KIAA1217: variants seen among roughly 807,000 people sequenced by gnomAD.
The protein encoded by KIAA1217 is sickle tail protein homolog.
KIAA1217 carries 88 observed loss-of-function variants against 163.9 expected under a neutral mutation model. The observed-to-expected ratio is 0.54, with a 90% CI of 0.45 to 0.64. KIAA1217 has a LOEUF of 0.64. Among genes scored for constraint, KIAA1217 ranks in the 30% least tolerant of loss-of-function variants. KIAA1217 has a pLI of 0.00. For missense variants in KIAA1217, 2,372 were observed against 2,475.0 expected (o/e 0.96, Z 0.88); for synonymous variants, 903 against 923.1 (o/e 0.98, Z 0.39).
At chr10:24,463,349 G>T (rs1038137325) in intron 5 of KIAA1217, among the ~76,000 whole-genome samples, 5 of 152,196 alleles carry the variant, frequency 3.3e-5, no homozygotes, top group African/African-American at 1.2e-4. Context: ...AAGATTTATA[G>T]AAATAACGCT....
At chr10:23,907,123 T>A (rs963815364) in intron 1 of KIAA1217, among the ~76,000 whole-genome samples, 1 of 152,112 alleles carries the variant, frequency 6.6e-6, no homozygotes, top group Non-Finnish European at 1.5e-5. Context: ...TTAAAGCAAC[T>A]GGCCTAAAGA....
intron 3 of KIAA1217, among the ~76,000 whole-genome samples, chr10:24,394,838 C>T (rs755459756): frequency 6.6e-6 from 1 of 152,162 alleles, no homozygotes; most frequent in African/African-American, 2.4e-5. Context: ...CCCCTGCTGC[C>T]GGTCTCTGTC....
In KIAA1217 at chr10:24,173,786, A is replaced by G. The variant is rs1048274808; in HGVS notation, c.-170-45840A>G. Reference sequence around the variant, plus strand: ...ACAGTTATCAACTACCTTTTTAATAAGAGTGTTAGTATTAGTTTGAGTAAC... The same window carrying G: ...ACAGTTATCAACTACCTTTTTAATAGGAGTGTTAGTATTAGTTTGAGTAAC... On this transcript the variant is annotated intron_variant, in intron 2 of 18. Transcript: ENST00000376462. Among the ~76,000 whole-genome samples the G allele has an allele frequency of 2.6e-5, 4 of 152,218 alleles. No individual in the cohort carries two copies. In the South Asian group the frequency reaches 6.2e-4, roughly 24 times the overall value.
At chr10:23,942,346 A>G (rs1308496848) in intron 1 of KIAA1217, among the ~76,000 whole-genome samples, 1 of 152,196 alleles carries the variant, frequency 6.6e-6, no homozygotes, top group East Asian at 1.9e-4. Context: ...CCAGAAGAGA[A>G]ATGAAAACTT....
At chr10:24,027,078 T>C (rs1847984669) in intron 2 of KIAA1217, among the ~76,000 whole-genome samples, 1 of 152,126 alleles carries the variant, frequency 6.6e-6, no homozygotes, top group Admixed American at 6.6e-5. Flanking sequence ...ATCTTTCTGT[T>C]ACTTATTTTT....
chr10:23,761,131 T>G (rs1834244428), intron 1 of KIAA1217, among the ~76,000 whole-genome samples: 1 of 152,102 alleles, frequency 6.6e-6, no homozygotes, highest in African/African-American at 2.4e-5. Context: ...CTGGGCATTA[T>G]AGGGCACACC....
At chr10:24,427,219 C>T (rs1428801603) in intron 3 of KIAA1217, among the ~76,000 whole-genome samples, 1 of 151,948 alleles carries the variant, frequency 6.6e-6, no homozygotes, top group Non-Finnish European at 1.5e-5. Context: ...CCCCACACCC[C>T]CATCCAGCAT....
At chr10:23,855,805 G>A (rs2095532) in intron 1 of KIAA1217, among the ~76,000 whole-genome samples, 21,980 of 151,950 alleles carry the variant, frequency 0.14, 1,995 homozygotes, top group Middle Eastern at 0.21. Flanking sequence ...TGATCGCATC[G>A]GCTCCTGAGG....
At chr10:24,496,138 C>A (rs2066754384) in intron 8 of KIAA1217, among the ~76,000 whole-genome samples, 1 of 152,236 alleles carries the variant, frequency 6.6e-6, no homozygotes, top group South Asian at 2.1e-4. Context: ...TTTTGTGCAG[C>A]ACGGTAGAGT....
At chr10:23,761,257 A>C (rs1037892737) in intron 1 of KIAA1217, among the ~76,000 whole-genome samples, 3 of 152,236 alleles carry the variant, frequency 2.0e-5, no homozygotes, top group South Asian at 2.1e-4. Flanking sequence ...ACAAACAAAC[A>C]AAAAACAACC....
intron 2 of KIAA1217, among the ~76,000 whole-genome samples, chr10:24,303,749 T>C (rs1386521303): frequency 6.6e-6 from 1 of 152,140 alleles, no homozygotes; most frequent in Admixed American, 6.6e-5. Flanking sequence ...AATCCCTGAG[T>C]CCTTGAATTC....
At chr10:24,355,871 C>T (rs148399728) in intron 2 of KIAA1217, among the ~76,000 whole-genome samples, 2,407 of 150,396 alleles carry the variant, frequency 0.016, 71 homozygotes, top group African/African-American at 0.056. Context: ...GCTTCAGCCT[C>T]CCCACTAGCT....
At chr10:23,713,480 A>C (rs1686336352) in intron 1 of KIAA1217, among the ~76,000 whole-genome samples, 1 of 152,102 alleles carries the variant, frequency 6.6e-6, no homozygotes, top group South Asian at 2.1e-4. Context: ...AAATATTATC[A>C]TGGTCCTTTT....
At chr10:23,901,740 C>G (rs369296911) in intron 1 of KIAA1217, among the ~76,000 whole-genome samples, 9 of 151,760 alleles carry the variant, frequency 5.9e-5, no homozygotes, top group African/African-American at 2.2e-4. Flanking sequence ...AAACCTGCCT[C>G]TACTAAAAAT....
intron 2 of KIAA1217, among the ~76,000 whole-genome samples, chr10:24,039,273 T>A (rs984405611): frequency 2.0e-5 from 3 of 152,116 alleles, no homozygotes; most frequent in African/African-American, 7.2e-5. Context: ...CATACATATG[T>A]GTATATTCTG....
At chr10:24,503,341 C>A (rs1459404138) in intron 9 of KIAA1217, among the ~76,000 whole-genome samples, 1 of 152,220 alleles carries the variant, frequency 6.6e-6, no homozygotes, top group Non-Finnish European at 1.5e-5. Flanking sequence ...TCATTTAAAT[C>A]TCCTAGTGAA....
intron 2 of KIAA1217, among the ~76,000 whole-genome samples, chr10:24,010,311 C>T (rs1564608456): frequency 6.6e-6 from 1 of 152,022 alleles, no homozygotes; most frequent in Non-Finnish European, 1.5e-5. Flanking sequence ...ACAGAAATGC[C>T]ACAAGATCAA....
chr10:24,299,339 G>A (rs1467335186), intron 2 of KIAA1217, among the ~76,000 whole-genome samples: 1 of 152,156 alleles, frequency 6.6e-6, no homozygotes, highest in Admixed American at 6.6e-5. Context: ...TACAGAACCT[G>A]TACATCAAAT....
chr10:23,947,467 T>C (rs2131347482), intron 1 of KIAA1217, among the ~76,000 whole-genome samples: 1 of 152,348 alleles, frequency 6.6e-6, no homozygotes, highest in South Asian at 2.1e-4. Context: ...GCTTTCCTTT[T>C]AGCCGGTCCT....
Sources: gnomAD v4.1 joint callset for allele counts (sites outside exome capture counted in the v4.1 genomes callset) on GRCh38, gnomAD v4.1.1 for gene constraint, MANE v1.5 for transcripts, NCBI Gene and HGNC (gene_info 2026-07-23, HGNC 2026-07-21) for gene names.